The following ZNF483 variants were observed in gnomAD, a reference collection of about 807,000 sequenced individuals.
ZNF483 encodes the protein zinc finger protein HIT-10.
In ZNF483, 9 loss-of-function variants were observed where a neutral mutation model predicts 28.6. That is an observed-to-expected ratio of 0.32 (90% CI 0.19 to 0.55). ZNF483 has a LOEUF of 0.55. ZNF483 is among the 20% of genes least tolerant of loss of function. The probability of loss-of-function intolerance (pLI) is 0.93; values close to 1 mark genes in which losing one functional copy is unlikely to be tolerated. For synonymous variants in ZNF483, 322 were observed against 306.2 expected (o/e 1.05, Z -0.54); for missense variants, 675 against 871.7 (o/e 0.77, Z 2.84).
At chr9:111,534,191 T>C in intron 4 of ZNF483, 70 bp from the exon 5 acceptor site, 1 of 1,264,564 alleles carries the variant, frequency 7.9e-7, no homozygotes, top group Non-Finnish European at 1.1e-6. Context: ...AACCAGAGGC[T>C]ATATGTGAAT....
intron 5 of ZNF483, among the ~76,000 whole-genome samples, chr9:111,566,822 T>C (rs1828581682): frequency 6.6e-6 from 1 of 152,100 alleles, no homozygotes; most frequent in Non-Finnish European, 1.5e-5. Flanking sequence ...TAAATATAAA[T>C]GAATAAGTAA....
At chr9:111,531,463 G>A (rs940085103) in intron 3 of ZNF483, among the ~76,000 whole-genome samples, 17 of 151,878 alleles carry the variant, frequency 1.1e-4, no homozygotes, top group African/African-American at 4.1e-4. Context: ...TGCAGCCTCT[G>A]CCTCCCAGGT....
rs1458832499 is a variant in ZNF483 at position 111,548,210 on chromosome 9, G to T, written c.*5040G>T. On this transcript the variant is annotated 3_prime_UTR_variant, in exon 6 of 6. Coordinates refer to ENST00000309235, the MANE Select transcript of ZNF483 (RefSeq NM_133464.5). ...GGAAAATGGCATGAAGATTGGGCTT[G>T]CATTGAATTTGTAGATCGCTTTGGG... Among the ~76,000 whole-genome samples the T allele has an allele frequency of 6.6e-6, 1 of 152,112 alleles. No individual in the cohort carries two copies. The highest frequency in any genetic ancestry group is 1.5e-5 in the Non-Finnish European group (1 of 67,982).
At chr9:111,572,756 C>CAAAAAAAAAAA (rs58101079) in intron 5 of ZNF483, among the ~76,000 whole-genome samples, 2 of 63,498 alleles carry the variant, frequency 3.1e-5, no homozygotes, top group Admixed American at 2.0e-4. Flanking sequence ...GACCCTGTCT[C>CAAAAAAAAAAA]AAAAAAAAAA....
chr9:111,576,299 T>G (rs958796389), intron 5 of ZNF483: 66 of 1,564,150 alleles, frequency 4.2e-5, no homozygotes, highest in Non-Finnish European at 5.6e-5. Flanking sequence ...TATTGTAAAC[T>G]ACTTGCTAAA....
intron 5 of ZNF483, chr9:111,570,355 C>A: frequency 7.4e-7 from 1 of 1,354,484 alleles, no homozygotes; most frequent in Non-Finnish European, 9.8e-7. Context: ...TTCTGATCCA[C>A]GGGACTGCTG....
At chr9:111,557,369 A>G (rs1828154269), downstream of ZNF483, among the ~76,000 whole-genome samples, 1 of 149,526 alleles carries the variant, frequency 6.7e-6, no homozygotes. Context: ...TCGAGACTCC[A>G]TCTCCAGTAA....
At chr9:111,526,876 G>A (rs1309030763) in intron 1 of ZNF483, among the ~76,000 whole-genome samples, 22 of 152,136 alleles carry the variant, frequency 1.4e-4, no homozygotes, top group Admixed American at 1.4e-3. Context: ...GAGGTGGGTG[G>A]ATCGCCTGAA....
Position 111,544,046 on chromosome 9 carries a change from G to T in ZNF483, c.*876G>T. 1 of 985,426 alleles carries T rather than the reference G, an allele frequency of 1.0e-6. No individual in the cohort carries two copies. Among genetic ancestry groups the T allele is most frequent in the Non-Finnish European group, 1.2e-6 (1 of 829,934 alleles). 61.0% of individuals were successfully genotyped at this position (985,426 alleles called of 1,614,324 possible). ...GTTCAAACGACTTTTCCTTGAGGGA[G>T]TATTTTAATCGGACAAGGGAACTCT... is the stretch of plus-strand genomic sequence containing the variant. On this transcript the variant is annotated 3_prime_UTR_variant, in exon 6 of 6. Coordinates refer to ENST00000309235, the MANE Select transcript of ZNF483 (RefSeq NM_133464.5).
chr9:111,556,534 A>G (rs776776898), downstream of ZNF483, among the ~76,000 whole-genome samples: 25 of 152,236 alleles, frequency 1.6e-4, no homozygotes, highest in Non-Finnish European at 2.8e-4. Context: ...ACATTCTCTG[A>G]AATCTAGGCA....
chr9:111,563,895 C>G (rs533687383), intron 5 of ZNF483: 1 of 152,444 alleles, frequency 6.6e-6, no homozygotes, highest in African/African-American at 2.4e-5. Flanking sequence ...AAAAGAGCAC[C>G]CTTCATTACC....
At chr9:111,531,075 T>C in intron 3 of ZNF483, 112 bp downstream of exon 3, 1 of 316,216 alleles carries the variant, frequency 3.2e-6, no homozygotes, top group Non-Finnish European at 5.9e-6. Flanking sequence ...ACACCTGTAA[T>C]CCCAGCACTT....
At chr9:111,536,004 T>C (rs1319143982) in intron 5 of ZNF483, among the ~76,000 whole-genome samples, 1 of 150,460 alleles carries the variant, frequency 6.6e-6, no homozygotes, top group Non-Finnish European at 1.5e-5. Context: ...CTCTCCTGCC[T>C]CAGCCTCCCA....
intron 5 of ZNF483, chr9:111,539,777 AGAAT>A (rs1372319429): frequency 5.3e-6 from 1 of 188,770 alleles, no homozygotes; most frequent in Non-Finnish European, 1.1e-5. Context: ...AAAAAAAAAG[AGAAT>A]GAACAATTAT....
rs990944068 is a variant in ZNF483 at position 111,543,777 on chromosome 9, T to C, written c.*607T>C. ...CTGGACTTCTTTTCTTTTTTTTTTC[T>C]TTTTTTTTTTTCAATTTTTCTTTTT... On this transcript the variant is annotated 3_prime_UTR_variant, in exon 6 of 6. Coordinates refer to ENST00000309235, the MANE Select transcript of ZNF483 (RefSeq NM_133464.5). 48 of 566,646 alleles carry C rather than the reference T, an allele frequency of 8.5e-5. No homozygotes were observed. Among genetic ancestry groups the C allele is most frequent in the South Asian group, 1.6e-4 (2 of 12,886 alleles). The allele number at this position is 566,646 out of a possible 1,614,324, so 35.1% of individuals were successfully genotyped here. A position where few individuals can be genotyped will look rare whatever the true frequency, so the allele number is the denominator to read the frequency against.
At chr9:111,565,784 T>TA (rs1476720039) in intron 5 of ZNF483, among the ~76,000 whole-genome samples, 5 of 151,922 alleles carry the variant, frequency 3.3e-5, no homozygotes, top group African/African-American at 1.2e-4. Context: ...CTCACCCTCC[T>TA]AAAGTGCTGG....
At chr9:111,562,174 A>T (rs1436932833) in intron 5 of ZNF483, among the ~76,000 whole-genome samples, 1 of 152,024 alleles carries the variant, frequency 6.6e-6, no homozygotes, top group Non-Finnish European at 1.5e-5. Context: ...CGCCCGGCCT[A>T]TGCTGGTGTT....
Position 111,542,599 on chromosome 9 carries a change from A to G in ZNF483, c.1664A>G (p.Asn555Ser), listed in dbSNP as rs1488650456. 12 of 1,614,000 alleles carry G rather than the reference A, an allele frequency of 7.4e-6. No individual in the cohort carries two copies. Among genetic ancestry groups the G allele is most frequent in the African/African-American group, 2.7e-5 (2 of 74,944 alleles). The change falls in exon 6 of 6, where the codon AAT becomes AGT. Residue 555 changes from asparagine to serine, a missense_variant. Physicochemically the swap from Asn to Ser is conservative, Grantham distance 46 (BLOSUM62 1). This residue lies in a region of ZNF483 where 41 missense variants were observed against 69.0 expected (regional missense o/e 0.59). Coordinates refer to ENST00000309235, the MANE Select transcript of ZNF483 (RefSeq NM_133464.5). This position sits in a 1 kb window ranked among gnomAD's most constrained non-coding sequence, Gnocchi z 6.2. ...HTGEKPYTCS[N>S]CGKSFSHSSS... is the part of the protein sequence containing the mutation. ...GGAGAAAAACCCTATACATGTAGCA[A>G]TTGTGGAAAATCCTTCAGTCATAGC...
chr9:111,560,473 C>CAAAA (rs752283590), intron 5 of ZNF483, among the ~76,000 whole-genome samples: 1 of 94,312 alleles, frequency 1.1e-5, no homozygotes, highest in Non-Finnish European at 2.1e-5. Flanking sequence ...GACTCCATCT[C>CAAAA]AAAAAAAAAA....
Sources: allele counts gnomAD v4.1 joint callset (sites outside exome capture counted in the v4.1 genomes callset), GRCh38; gene constraint gnomAD v4.1.1; regional missense constraint gnomAD v4.1.1; non-coding constraint Gnocchi (gnomAD v3.1); transcripts MANE v1.5; gene names NCBI Gene and HGNC (gene_info 2026-07-23, HGNC 2026-07-21).